Variants in SMIM13 observed in about 807,000 individuals in gnomAD.
SMIM13 encodes the protein UPF0766 protein C6orf228.
SMIM13 carries 3 observed loss-of-function variants against 5.9 expected under a neutral mutation model. The ratio of observed to expected loss-of-function variants is 0.51; its 90% CI spans 0.23 to 1.31. SMIM13 has a LOEUF of 1.31. Among genes scored for constraint, SMIM13 ranks in the 40% most tolerant of loss-of-function variants. The pLI is 0.18. For missense variants in SMIM13, 85 were observed against 109.9 expected (o/e 0.77, Z 1.01); for synonymous variants, 55 against 46.0 (o/e 1.19, Z -0.79).
chr6:11,103,724 A>T, intron 1 of SMIM13: 1 of 1,551,522 alleles, frequency 6.4e-7, no homozygotes, highest in Non-Finnish European at 8.7e-7. Flanking sequence ...TATTGCGAGG[A>T]TGGCGTCCTG....
chr6:11,099,631 A>C (rs1044785261), intron 1 of SMIM13, among the ~76,000 whole-genome samples: 12 of 152,352 alleles, frequency 7.9e-5, no homozygotes, highest in African/African-American at 2.9e-4. Context: ...CAACAAATGA[A>C]TAGATGAATG....
At chr6:11,115,572 A>G (rs373216738) in intron 1 of SMIM13, among the ~76,000 whole-genome samples, 5 of 152,316 alleles carry the variant, frequency 3.3e-5, no homozygotes, top group Admixed American at 2.0e-4. Context: ...CAACTGATTG[A>G]GACCTTAATT....
chr6:11,114,622 G>A (rs1250533538), intron 1 of SMIM13, among the ~76,000 whole-genome samples: 2 of 90,996 alleles, frequency 2.2e-5, no homozygotes, highest in African/African-American at 4.5e-5. Context: ...TTTTTGAGAT[G>A]GAGTCTCACT....
chr6:11,098,255 T>G lies in SMIM13; in HGVS notation c.76+3866T>G, dbSNP rs145550507. On this transcript the variant is annotated intron_variant, in intron 1 of 1. Coordinates refer to ENST00000416247, the MANE Select transcript of SMIM13 (RefSeq NM_001135575.2). ...TTGTCTCTGCTTTCTCACCTCTCATTCATTCCAAGGTGTTTTCTACCCCCA... is the reference window on the plus strand; with the variant it reads ...TTGTCTCTGCTTTCTCACCTCTCATGCATTCCAAGGTGTTTTCTACCCCCA... Among the ~76,000 whole-genome samples the G allele has an allele frequency of 1.8e-3, 281 of 152,298 alleles. 2 individuals carry two copies. Among genetic ancestry groups the G allele is most frequent in the African/African-American group, 6.3e-3 (263 of 41,552 alleles).
chr6:11,136,469 C>G lies in SMIM13; in HGVS notation c.*1867C>G, dbSNP rs1324501092. ...AGTCATCACAAAATATCTATTTAAC[C>G]TCTATTTTATGATGGTGTGTTATTA... is the stretch of plus-strand genomic sequence containing the variant. On this transcript the variant is annotated 3_prime_UTR_variant, in exon 2 of 2. Coordinates refer to ENST00000416247, the MANE Select transcript of SMIM13 (RefSeq NM_001135575.2). 1 of 152,074 alleles carries G rather than the reference C, an allele frequency of 6.6e-6. No homozygotes were observed. The highest frequency in any genetic ancestry group is 1.5e-5 in the Non-Finnish European group (1 of 68,002). The allele number at this position is 152,074 out of a possible 1,614,324, so 9.4% of individuals were successfully genotyped here.
At chr6:11,133,248 C>T (rs1758473352) in intron 1 of SMIM13, among the ~76,000 whole-genome samples, 1 of 152,158 alleles carries the variant, frequency 6.6e-6, no homozygotes, top group Non-Finnish European at 1.5e-5. Flanking sequence ...CTCAAACACA[C>T]AGTTGACCAA....
chr6:11,101,171 C>CT lies in SMIM13; in HGVS notation c.76+6784dup, dbSNP rs1347521613. Among the ~76,000 whole-genome samples, 10 of 151,528 alleles carry CT rather than the reference C, an allele frequency of 6.6e-5. No individual in the cohort carries two copies. In the East Asian group the frequency reaches 1.4e-3, roughly 21 times the overall value. On this transcript the variant is annotated intron_variant, in intron 1 of 1. Coordinates refer to ENST00000416247, the MANE Select transcript of SMIM13 (RefSeq NM_001135575.2). ...TTCTGGAGGATGTTTGGGGCTTTATCTTCTGTCTCTTAAATTGAGTTTTTA... is the reference window on the plus strand; with the variant it reads ...TTCTGGAGGATGTTTGGGGCTTTATCTTTCTGTCTCTTAAATTGAGTTTTTA...
At chr6:11,095,399 G>A (rs1757911099) in intron 1 of SMIM13, among the ~76,000 whole-genome samples, 1 of 152,222 alleles carries the variant, frequency 6.6e-6, no homozygotes, top group Admixed American at 6.5e-5. Flanking sequence ...GGAGTGCAAT[G>A]CAGTGGCCTG....
At chr6:11,123,113 C>T (rs1319520363) in intron 1 of SMIM13, among the ~76,000 whole-genome samples, 1 of 152,118 alleles carries the variant, frequency 6.6e-6, no homozygotes, top group East Asian at 1.9e-4. Context: ...TGTACCTGCT[C>T]CTGGGGCTGA....
Position 11,136,494 on chromosome 6 carries a change from A to G in SMIM13, c.*1892A>G, listed in dbSNP as rs545873867. 18 of 152,268 alleles carry G rather than the reference A, an allele frequency of 1.2e-4. No individual in the cohort carries two copies. The Middle Eastern group carries it at 0.01, about 86-fold the overall frequency. The allele number at this position is 152,268 out of a possible 1,614,324, so 9.4% of individuals were successfully genotyped here. A position where few individuals can be genotyped will look rare whatever the true frequency, so the allele number is the denominator to read the frequency against. ...CTCTATTTTATGATGGTGTGTTATT[A>G]TGTTTGATACCTCATACTTCTTGCT... is the stretch of plus-strand genomic sequence containing the variant. On this transcript the variant is annotated 3_prime_UTR_variant, in exon 2 of 2. Coordinates refer to ENST00000416247, the MANE Select transcript of SMIM13 (RefSeq NM_001135575.2).
chr6:11,131,607 G>A (rs1276664405), intron 1 of SMIM13, among the ~76,000 whole-genome samples: 1 of 152,144 alleles, frequency 6.6e-6, no homozygotes. Flanking sequence ...GGAATTGAGA[G>A]TCCAGAAATA....
intron 1 of SMIM13, among the ~76,000 whole-genome samples, chr6:11,127,090 C>G (rs1758386735): frequency 6.6e-6 from 1 of 152,222 alleles, no homozygotes; most frequent in Non-Finnish European, 1.5e-5. Context: ...GACTCGAAGC[C>G]AGCATAACAA....
At chr6:11,115,488 A>G (rs145434759) in intron 1 of SMIM13, among the ~76,000 whole-genome samples, 95 of 152,232 alleles carry the variant, frequency 6.2e-4, no homozygotes, top group African/African-American at 2.1e-3. Context: ...GAGGGTCCCA[A>G]TCCCTCTTTT....
In SMIM13 at chr6:11,106,930, G is replaced by A. The variant is rs148945838; in HGVS notation, c.76+12541G>A. Among the ~76,000 whole-genome samples, 8 of 152,304 alleles carry A rather than the reference G, an allele frequency of 5.3e-5. No homozygotes were observed. The East Asian group carries it at 1.2e-3, about 22-fold the overall frequency. ...TGTGTGAGTGTGAAGAACCAGAAAC[G>A]TGTATTTGGAATTTGTATATACTCC... On this transcript the variant is annotated intron_variant, in intron 1 of 1. Transcript: ENST00000416247.
At chr6:11,131,170 G>A (rs1758446372) in intron 1 of SMIM13, among the ~76,000 whole-genome samples, 1 of 152,088 alleles carries the variant, frequency 6.6e-6, no homozygotes, top group Non-Finnish European at 1.5e-5. Flanking sequence ...AATTGACCAT[G>A]TTAATTTAGG....
At chr6:11,103,579 T>A (rs1444416112) in intron 1 of SMIM13, 9 of 1,417,318 alleles carry the variant, frequency 6.4e-6, no homozygotes, top group Non-Finnish European at 8.3e-6. Flanking sequence ...TTGCTAGCTG[T>A]CAGGGCAGGA....
chr6:11,134,204 A>G (rs975675852), intron 1 of SMIM13, among the ~76,000 whole-genome samples, 199 bp from the exon 2 acceptor site: 19 of 152,158 alleles, frequency 1.2e-4, no homozygotes, highest in Non-Finnish European at 2.4e-4. Context: ...ATGAGGGTAG[A>G]GACTGTTTTT....
rs552148314 is a variant in SMIM13 at position 11,103,516 on chromosome 6, C to T, written c.76+9127C>T. The T allele has an allele frequency of 6.6e-6, 6 of 911,632 alleles. No homozygotes were observed. In the South Asian group the frequency reaches 1.0e-4, roughly 15 times the overall value. 56.5% of individuals were successfully genotyped at this position (911,632 alleles called of 1,614,324 possible). On this transcript the variant is annotated intron_variant, in intron 1 of 1. Transcript: ENST00000416247. ...ATGGACGAAGGTCAGTCTTCTTTAA[C>T]TGCTTCCTGCTGACAGAGGGGCTGT...
At chr6:11,117,893 G>T (rs1758262203) in intron 1 of SMIM13, among the ~76,000 whole-genome samples, 1 of 152,108 alleles carries the variant, frequency 6.6e-6, no homozygotes, top group Non-Finnish European at 1.5e-5. Context: ...GGGATTGCAT[G>T]CCCAACAAAT....
Sources: gnomAD v4.1 joint callset for allele counts (sites outside exome capture counted in the v4.1 genomes callset) on GRCh38, gnomAD v4.1.1 for gene constraint, MANE v1.5 for transcripts, NCBI Gene and HGNC (gene_info 2026-07-23, HGNC 2026-07-21) for gene names.